Variants in NBEAL1 observed in about 807,000 individuals in gnomAD.
NBEAL1 encodes the protein neurobeachin like 1.
In NBEAL1, 273 loss-of-function variants were observed where a neutral mutation model predicts 351.3. The ratio of observed to expected loss-of-function variants is 0.78; its 90% CI spans 0.70 to 0.86. NBEAL1 has a LOEUF of 0.86. Among genes scored for constraint, NBEAL1 ranks in the 40% least tolerant of loss-of-function variants. The pLI is 0.00. For synonymous variants in NBEAL1, 1,050 were observed against 1,086.4 expected, an observed-to-expected ratio of 0.97 and a Z score of 0.66; for missense variants, 2,961 against 3,201.3, an observed-to-expected ratio of 0.92 and a Z score of 1.81.
In NBEAL1 at chr2:203,113,156, G is replaced by A; in HGVS notation, c.2344G>A (p.Gly782Arg). ...TGGAATTCTGTCATCAGCCTCCTGG[G>A]GAGGAACAATTGAAAAATCAAAATT... ...FGGILSSASW[G>R]GTIEKSKLIT... Residue 782 changes from glycine (G) to arginine (R), a missense_variant, in exon 17 of 56, where the codon GGA becomes AGA. Transcript: ENST00000683969. The A allele has an allele frequency of 2.6e-6, 4 of 1,552,670 alleles. No individual in the cohort carries two copies. The highest frequency in any genetic ancestry group is 3.5e-6 in the Non-Finnish European group (4 of 1,147,236).
At chr2:203,086,507 A>G (rs550958399) in intron 10 of NBEAL1, among the ~76,000 whole-genome samples, 6 of 152,304 alleles carry the variant, frequency 3.9e-5, no homozygotes, top group Non-Finnish European at 7.4e-5. Flanking sequence ...CACATCTAAA[A>G]TGGAACAGTT....
At chr2:203,099,079 C>G (rs923373343) in intron 11 of NBEAL1, among the ~76,000 whole-genome samples, 2 of 151,928 alleles carry the variant, frequency 1.3e-5, no homozygotes, top group African/African-American at 4.8e-5. Context: ...AGTTCAAGAC[C>G]AGCCTGACCA....
rs1419968133 is a variant in NBEAL1 at position 203,126,563 on chromosome 2, A to G, written c.2992A>G (p.Ser998Gly). 6.9e-7 allele frequency: 1 copy of G among 1,456,172 alleles called. No individual in the cohort carries two copies. Among genetic ancestry groups the G allele is most frequent in the Non-Finnish European group, 9.0e-7 (1 of 1,105,046 alleles). The allele number at this position is 1,456,172 out of a possible 1,614,324, so 90.2% of individuals were successfully genotyped here. The change falls in exon 22 of 56, where the codon AGC becomes GGC. Residue 998 changes from serine (S) to glycine (G), a missense_variant. Transcript: ENST00000683969. ...TLGALLQKVPSTLMDVNVLMA... is the reference protein window; with the variant it reads ...TLGALLQKVPGTLMDVNVLMA... ...CTCTTCTGTTTGGTTTCAGGTGCCA[A>G]GCACCTTGATGGATGTTAATGTGTT...
Position 203,168,468 on chromosome 2 carries a change from A to G in NBEAL1, c.5997+1108A>G, listed in dbSNP as rs556569140. On this transcript the variant is annotated intron_variant, in intron 38 of 55. Transcript: ENST00000683969. Reference sequence around the variant, plus strand: ...CGTGGTGGCACATGCCTGTAATCCCAGCTACTTGGGAGGCTGAGGCAGGAG... The same window carrying G: ...CGTGGTGGCACATGCCTGTAATCCCGGCTACTTGGGAGGCTGAGGCAGGAG... Among the ~76,000 whole-genome samples the G allele has an allele frequency of 7.9e-5, 12 of 152,326 alleles. No individual in the cohort carries two copies. The South Asian group carries it at 2.5e-3, about 32-fold the overall frequency.
At chr2:203,136,425 G>A (rs2063210354) in intron 28 of NBEAL1, among the ~76,000 whole-genome samples, 173 bp downstream of exon 28, 1 of 152,086 alleles carries the variant, frequency 6.6e-6, no homozygotes. Flanking sequence ...TTTTTTGAGA[G>A]CAAAGCTAAT....
chr2:203,073,416 C>T (rs997693657), intron 7 of NBEAL1, among the ~76,000 whole-genome samples: 11 of 152,156 alleles, frequency 7.2e-5, no homozygotes, highest in Non-Finnish European at 1.3e-4. Context: ...TTGATGTCTC[C>T]TCTTTCATTC....
chr2:203,201,554 G>A lies in NBEAL1; in HGVS notation c.7250G>A (p.Ser2417Asn), dbSNP rs1221877275. Residue 2417 changes from serine (S) to asparagine (N), a missense_variant, in exon 50 of 56, where the codon AGT becomes AAT. Transcript: ENST00000683969. ...QTVTNPKTQR[S>N]INGSFAPGLE... is the part of the protein sequence containing the mutation. ...AATTGTGTTTACAGAACTCAGCGCA[G>A]TATAAATGGTTCTTTTGCTCCCGGG... 1.3e-6 allele frequency: 2 copies of A among 1,591,806 alleles called. No individual in the cohort carries two copies. The highest frequency in any genetic ancestry group is 8.6e-7 in the Non-Finnish European group (1 of 1,167,938).
At chr2:203,153,263 G>T (rs534657267) in intron 35 of NBEAL1, among the ~76,000 whole-genome samples, 1 of 151,034 alleles carries the variant, frequency 6.6e-6, no homozygotes, top group African/African-American at 2.4e-5. Context: ...CTCCTGATTA[G>T]CTGGGACTAC....
intron 36 of NBEAL1, among the ~76,000 whole-genome samples, chr2:203,160,030 A>G (rs1260937632): frequency 6.7e-6 from 1 of 149,410 alleles, no homozygotes; most frequent in Non-Finnish European, 1.5e-5. Flanking sequence ...TGCCATTAAT[A>G]TATATCTACT....
At chr2:203,090,490 A>G (rs1014302588) in intron 10 of NBEAL1, among the ~76,000 whole-genome samples, 8 of 152,126 alleles carry the variant, frequency 5.3e-5, no homozygotes, top group Non-Finnish European at 1.0e-4. Flanking sequence ...TTATTTTTTC[A>G]TTATGAAAAT....
At chr2:203,071,802 G>A (rs1369771352) in intron 7 of NBEAL1, among the ~76,000 whole-genome samples, 1 of 152,186 alleles carries the variant, frequency 6.6e-6, no homozygotes, top group Non-Finnish European at 1.5e-5. Context: ...CATTCCAAAA[G>A]GGAGACAGTG....
At chr2:203,119,423 G>GTTTTTTTTTTTTTTTTTTTTT (rs1559379701) in intron 18 of NBEAL1, among the ~76,000 whole-genome samples, 7 of 21,426 alleles carry the variant, frequency 3.3e-4, no homozygotes, top group East Asian at 4.0e-3. Context: ...ACGGCCTGTT[G>GTTTTTTTTTTTTTTTTTTTTT]CTTTTTTTTT....
In NBEAL1 at chr2:203,213,504, T is replaced by A. The variant is rs747366735; in HGVS notation, c.7935-14T>A. On this transcript the variant is annotated splice_polypyrimidine_tract_variant and intron_variant, in intron 54 of 55. Coordinates refer to ENST00000683969, the MANE Select transcript of NBEAL1 (RefSeq NM_001378026.1). ...TCCGTGTAATTATGTCTGTATTTTT[T>A]ATTTCTTTTCTAGCTTGAATCTCAG... 25 of 1,602,110 alleles carry A rather than the reference T, an allele frequency of 1.6e-5. No homozygotes were observed. The highest frequency in any genetic ancestry group is 2.0e-5 in the Non-Finnish European group (24 of 1,174,252).
Position 203,145,148 on chromosome 2 carries a change from G to C in NBEAL1, c.5292G>C (p.Lys1764Asn). The C allele has an allele frequency of 6.3e-7, 1 of 1,599,412 alleles. No individual in the cohort carries two copies. Among genetic ancestry groups the C allele is most frequent in the Non-Finnish European group, 8.5e-7 (1 of 1,176,304 alleles). ...HKRDREGGES[K>N]LKFQELFVEP... The stretch of plus-strand genomic sequence containing the variant: ...GAGACCGGGAAGGAGGGGAAAGCAA[G>C]CTCAAATTTCAGGTAAAAAGTAAAT... Residue 1764 changes from lysine (K) to asparagine (N), a missense_variant, in exon 33 of 56, where the codon AAG becomes AAC. By Grantham distance (94) the Lys-to-Asn change is moderately conservative. Coordinates refer to ENST00000683969, the MANE Select transcript of NBEAL1 (RefSeq NM_001378026.1).
chr2:203,165,230 T>G (rs2064098066), intron 36 of NBEAL1, among the ~76,000 whole-genome samples: 1 of 152,210 alleles, frequency 6.6e-6, no homozygotes, highest in Admixed American at 6.5e-5. Context: ...CTCCAGTTAC[T>G]TCCTCCAGCA....
chr2:203,219,866 G>A lies in NBEAL1; in HGVS notation c.*2512G>A, dbSNP rs181632062. 7 of 151,570 alleles carry A rather than the reference G, an allele frequency of 4.6e-5. No individual in the cohort carries two copies. The highest frequency in any genetic ancestry group is 2.9e-5 in the Non-Finnish European group (2 of 67,894). 9.4% of individuals were successfully genotyped at this position (151,570 alleles called of 1,614,324 possible). ...GAGTGAGACTTTGTCTCAAAGAAAA[G>A]AAAAAAAATATGGAATTTAGAGAAA... On this transcript the variant is annotated 3_prime_UTR_variant, in exon 56 of 56. Transcript: ENST00000683969.
Position 203,169,825 on chromosome 2 carries a change from T to A in NBEAL1, c.6076T>A (p.Leu2026Ile). ...TTATGGAAGCAGATCACCACAGGAG[T>A]TATTCAAAGCATCAGGATTGACACA... Reference protein sequence around the residue: ...SYYGSRSPQELFKASGLTQKW... With the variant: ...SYYGSRSPQEIFKASGLTQKW... Residue 2026 changes from leucine to isoleucine, a missense_variant, in exon 39 of 56, where the codon TTA becomes ATA. Leu to Ile is a conservative substitution (Grantham distance 5, BLOSUM62 2). Transcript: ENST00000683969. The A allele has an allele frequency of 6.2e-7, 1 of 1,606,382 alleles. No individual in the cohort carries two copies. The highest frequency in any genetic ancestry group is 8.5e-7 in the Non-Finnish European group (1 of 1,175,538).
At chr2:203,063,240 C>T (rs1056081566) in intron 6 of NBEAL1, among the ~76,000 whole-genome samples, 4 of 150,942 alleles carry the variant, frequency 2.7e-5, no homozygotes, top group Admixed American at 1.3e-4. Context: ...TTTGGGAGGC[C>T]AAGGCAGGAG....
rs1181444885 is a variant in NBEAL1, at chr2:203,218,039, A to G, written c.*685A>G. ...ATTTCCTTAATAATATAATTAAGCA[A>G]AAGTGCTAATTGTGATTTTGACAGT... On this transcript the variant is annotated 3_prime_UTR_variant, in exon 56 of 56. Transcript: ENST00000683969. 3 of 699,436 alleles carry G rather than the reference A, an allele frequency of 4.3e-6. No individual in the cohort carries two copies. Among genetic ancestry groups the G allele is most frequent in the African/African-American group, 1.9e-5 (1 of 51,564 alleles). 43.3% of individuals were successfully genotyped at this position (699,436 alleles called of 1,614,324 possible). A position where few individuals can be genotyped will look rare whatever the true frequency, so the allele number is the denominator to read the frequency against.
Sources: gnomAD v4.1 joint callset for allele counts (sites outside exome capture counted in the v4.1 genomes callset) on GRCh38, gnomAD v4.1.1 for gene constraint, MANE v1.5 for transcripts, NCBI Gene and HGNC (gene_info 2026-07-23, HGNC 2026-07-21) for gene names.